The following ZHX2 variants were observed in gnomAD, a reference collection of about 807,000 sequenced individuals.
ZHX2 encodes the protein zinc fingers and homeoboxes 2.
In ZHX2, 6 loss-of-function variants were observed where a neutral mutation model predicts 21.9. The observed-to-expected ratio is 0.27, with a 90% CI of 0.15 to 0.54. ZHX2 has a LOEUF of 0.54. Ranked by LOEUF, ZHX2 falls within the 20% of genes least tolerant of loss-of-function variation. ZHX2 has a pLI of 0.95. For synonymous variants in ZHX2, 434 were observed against 437.1 expected (o/e 0.99, Z 0.09); for missense variants, 908 against 1,090.7 (o/e 0.83, Z 2.36).
chr8:122,836,224 T>C (rs374811908), intron 1 of ZHX2, among the ~76,000 whole-genome samples: 22 of 152,146 alleles, frequency 1.4e-4, no homozygotes, highest in African/African-American at 4.1e-4. Flanking sequence ...TGGACCAACG[T>C]TGGATTTTTG....
intron 1 of ZHX2, among the ~76,000 whole-genome samples, chr8:122,787,144 T>G (rs1404667124): frequency 1.3e-5 from 2 of 151,726 alleles, no homozygotes; most frequent in Non-Finnish European, 2.9e-5. Context: ...AAAACAGTCC[T>G]GACAACAGTA....
chr8:122,887,710 C>T (rs758004703), intron 2 of ZHX2, among the ~76,000 whole-genome samples: 24 of 152,134 alleles, frequency 1.6e-4, no homozygotes, highest in African/African-American at 5.6e-4. Context: ...AAGGAGCCCC[C>T]GGAAAAGGGC....
chr8:122,807,390 G>T (rs1817844754), intron 1 of ZHX2, among the ~76,000 whole-genome samples: 1 of 152,074 alleles, frequency 6.6e-6, no homozygotes, highest in Non-Finnish European at 1.5e-5. Flanking sequence ...ATTTATTCAG[G>T]ATTTCCAGAC....
chr8:122,821,012 G>A (rs1288394223), intron 1 of ZHX2, among the ~76,000 whole-genome samples: 2 of 152,230 alleles, frequency 1.3e-5, no homozygotes, highest in East Asian at 3.8e-4. Context: ...CCCAGCAGAG[G>A]GTGATGATTC....
intron 1 of ZHX2, among the ~76,000 whole-genome samples, chr8:122,861,279 T>G (rs1344105091): frequency 1.3e-5 from 2 of 152,150 alleles, no homozygotes; most frequent in Non-Finnish European, 2.9e-5. Flanking sequence ...AGCAAAACAT[T>G]AATGTGCTGG....
chr8:122,889,080 T>TAAAAGAA (rs1819915027), intron 2 of ZHX2, among the ~76,000 whole-genome samples: 1 of 152,242 alleles, frequency 6.6e-6, no homozygotes, highest in Non-Finnish European at 1.5e-5. Flanking sequence ...TTTCATTCTT[T>TAAAAGAA]TTCACGACTG....
At chr8:122,812,527 G>T (rs1817953167) in intron 1 of ZHX2, among the ~76,000 whole-genome samples, 1 of 152,164 alleles carries the variant, frequency 6.6e-6, no homozygotes, top group African/African-American at 2.4e-5. Flanking sequence ...CTGATTCTTG[G>T]TCCAGAACCC....
intron 2 of ZHX2, among the ~76,000 whole-genome samples, chr8:122,906,666 C>CTTTTT (rs771349214): frequency 5.7e-5 from 7 of 123,426 alleles, no homozygotes; most frequent in African/African-American, 9.5e-5. Flanking sequence ...ACATAATTTC[C>CTTTTT]TTTTTTTTTT....
At chr8:122,966,979 G>A (rs1019740900) in intron 3 of ZHX2, among the ~76,000 whole-genome samples, 5 of 152,170 alleles carry the variant, frequency 3.3e-5, no homozygotes, top group African/African-American at 1.2e-4. Flanking sequence ...TTCTCTAAAT[G>A]TGTCTTTCAT....
intron 1 of ZHX2, among the ~76,000 whole-genome samples, chr8:122,792,963 T>TG (rs1206422554): frequency 1.3e-5 from 2 of 152,104 alleles, no homozygotes; most frequent in South Asian, 2.1e-4. Flanking sequence ...CTCACTGTTG[T>TG]GGGGGTGAAC....
At chr8:122,969,216 A>T (rs1479512282) in intron 3 of ZHX2, among the ~76,000 whole-genome samples, 1 of 151,764 alleles carries the variant, frequency 6.6e-6, no homozygotes, top group Non-Finnish European at 1.5e-5. Context: ...TAGACAGTGG[A>T]GTGATGTTGA....
chr8:122,856,603 G>A (rs147545167), intron 1 of ZHX2, among the ~76,000 whole-genome samples: 1 of 152,114 alleles, frequency 6.6e-6, no homozygotes, highest in Non-Finnish European at 1.5e-5. Context: ...AATCAAAGGT[G>A]TATTCATCTC....
At chr8:122,791,910 G>T (rs1488098039) in intron 1 of ZHX2, among the ~76,000 whole-genome samples, 1 of 151,482 alleles carries the variant, frequency 6.6e-6, no homozygotes, top group Non-Finnish European at 1.5e-5. Flanking sequence ...CTCAGGCATT[G>T]TGCAATGCTG....
chr8:122,910,413 C>T (rs1820449153), intron 2 of ZHX2, among the ~76,000 whole-genome samples: 3 of 152,158 alleles, frequency 2.0e-5, no homozygotes, highest in Admixed American at 2.0e-4. Flanking sequence ...TCAGCTGCAA[C>T]ATCCTGCTGG....
intron 3 of ZHX2, among the ~76,000 whole-genome samples, chr8:122,958,297 A>G (rs1291604277): frequency 5.3e-5 from 8 of 152,376 alleles, no homozygotes; most frequent in African/African-American, 1.4e-4. Flanking sequence ...GTCTTGATTC[A>G]GTCCCTGTGT....
chr8:122,899,141 A>G (rs1820167792), intron 2 of ZHX2, among the ~76,000 whole-genome samples: 1 of 152,072 alleles, frequency 6.6e-6, no homozygotes, highest in African/African-American at 2.4e-5. Context: ...AAGGCCTCAT[A>G]CAGGTACTCG....
intron 3 of ZHX2, among the ~76,000 whole-genome samples, chr8:122,965,430 A>G (rs1454597490): frequency 6.6e-6 from 1 of 152,170 alleles, no homozygotes; most frequent in Admixed American, 6.5e-5. Flanking sequence ...AGAGCGTATC[A>G]TTTAACTTCC....
In ZHX2 at chr8:122,952,554, G is replaced by A; in HGVS notation, c.1044G>A (p.Leu348=). The A allele has an allele frequency of 6.2e-7, 1 of 1,614,152 alleles. No homozygotes were observed. The highest frequency in any genetic ancestry group is 8.5e-7 in the Non-Finnish European group (1 of 1,180,034). ...CAGTACCCCCGACCATCACTGTGCTGCCCGCCCAGTTGGCCCCCACAAAGG... is the reference window on the plus strand; with the variant it reads ...CAGTACCCCCGACCATCACTGTGCTACCCGCCCAGTTGGCCCCCACAAAGG... ...IQSVPPTITV[L]PAQLAPTKVT... Residue 348 remains leucine (L), a synonymous_variant, in exon 3 of 4, where the codon CTG becomes CTA. Coordinates refer to ENST00000314393, the MANE Select transcript of ZHX2 (RefSeq NM_014943.5). This position sits in a 1 kb window ranked among gnomAD's most constrained non-coding sequence, Gnocchi z 6.9.
intron 2 of ZHX2, among the ~76,000 whole-genome samples, chr8:122,912,398 A>G (rs1820504318): frequency 6.6e-6 from 1 of 152,182 alleles, no homozygotes; most frequent in South Asian, 2.1e-4. Flanking sequence ...AGCCCCACCA[A>G]TGGCATCATG....
Sources: gnomAD v4.1 joint callset for allele counts (sites outside exome capture counted in the v4.1 genomes callset) on GRCh38, gnomAD v4.1.1 for gene constraint, Gnocchi (gnomAD v3.1) non-coding constraint, MANE v1.5 for transcripts, NCBI Gene and HGNC (gene_info 2026-07-23, HGNC 2026-07-21) for gene names.